Variants in ARHGEF3 observed in about 807,000 individuals in gnomAD.
ARHGEF3 encodes the protein 59.8 kDA protein.
A neutral mutation model predicts 63.2 loss-of-function variants in ARHGEF3; 28 were observed. The ratio of observed to expected loss-of-function variants is 0.44; its 90% CI spans 0.33 to 0.61. The LOEUF is 0.61. Ranked by LOEUF, ARHGEF3 falls within the 20% of genes least tolerant of loss-of-function variation. The probability of loss-of-function intolerance (pLI) is 0.03; values close to 1 mark genes in which losing one functional copy is unlikely to be tolerated. For missense variants in ARHGEF3, 533 were observed against 659.3 expected (o/e 0.81, Z 2.10); for synonymous variants, 266 against 254.2 (o/e 1.05, Z -0.44).
chr3:57,056,613 AG>A (rs778226256), intron 1 of ARHGEF3, among the ~76,000 whole-genome samples: 2 of 152,128 alleles, frequency 1.3e-5, no homozygotes, highest in Non-Finnish European at 2.9e-5. Flanking sequence ...AGGAGTGGAA[AG>A]GGCATGTTAG....
intron 1 of ARHGEF3, among the ~76,000 whole-genome samples, chr3:57,037,033 G>A (rs766380739): frequency 6.6e-5 from 10 of 152,146 alleles, no homozygotes; most frequent in Non-Finnish European, 1.2e-4. Context: ...CTCCAGTGCC[G>A]GTCTTTAACT....
chr3:57,005,506 T>A (rs1162084981), intron 2 of ARHGEF3, among the ~76,000 whole-genome samples: 1 of 152,212 alleles, frequency 6.6e-6, no homozygotes, highest in Admixed American at 6.5e-5. Flanking sequence ...GAACTGGATT[T>A]TTTTGTGCAA....
rs374972190 is a variant in ARHGEF3, at chr3:56,812,063, G to T, written c.193-38247C>A. 2.3e-4 allele frequency among the ~76,000 whole-genome samples: 35 copies of T among 152,248 alleles called. No homozygotes were observed. In the South Asian group the frequency reaches 7.3e-3, roughly 32 times the overall value. On this transcript the variant is annotated intron_variant, in intron 4 of 12. Coordinates refer to the ARHGEF3 transcript ENST00000338458. ...CAGTAGCCCCAGCTCCTCCTATTAC[G>T]CTGGCACATAGCAGACTCTCAGCTC...
At chr3:57,060,831 C>T (rs1705185773) in intron 1 of ARHGEF3, 1 of 147,610 alleles carries the variant, frequency 6.8e-6, no homozygotes, top group Non-Finnish European at 1.5e-5. Flanking sequence ...GAAACACACA[C>T]ACACACATGG....
intron 4 of ARHGEF3, among the ~76,000 whole-genome samples, chr3:56,836,783 T>C (rs540022415): frequency 6.6e-6 from 1 of 152,050 alleles, no homozygotes; most frequent in African/African-American, 2.4e-5. Flanking sequence ...AAAAATTAGC[T>C]GGGTATGGTG....
At chr3:56,749,100 G>C (rs1373985848) in intron 6 of ARHGEF3, among the ~76,000 whole-genome samples, 4 of 152,144 alleles carry the variant, frequency 2.6e-5, no homozygotes, top group Non-Finnish European at 5.9e-5. Context: ...AGTTAAAAGA[G>C]GAAAAACATT....
chr3:56,965,645 C>CTTTTT (rs759458048), intron 2 of ARHGEF3, among the ~76,000 whole-genome samples: 4 of 133,370 alleles, frequency 3.0e-5, no homozygotes, highest in African/African-American at 5.7e-5. Context: ...AAACTACATT[C>CTTTTT]TTTTTTTTTT....
At chr3:57,039,342 T>A (rs1221621281) in intron 1 of ARHGEF3, among the ~76,000 whole-genome samples, 2 of 152,194 alleles carry the variant, frequency 1.3e-5, no homozygotes, top group African/African-American at 4.8e-5. Flanking sequence ...AGCACTCTCA[T>A]ATACTGCTGT....
At chr3:56,919,235 A>T (rs72870569) in intron 3 of ARHGEF3, among the ~76,000 whole-genome samples, 4,112 of 152,332 alleles carry the variant, frequency 0.027, 191 homozygotes, top group African/African-American at 0.093. Flanking sequence ...AATGCTGGCA[A>T]CTATTCATCA....
chr3:56,751,106 T>C lies in ARHGEF3; in HGVS notation c.562A>G (p.Arg188Gly). 1.9e-6 allele frequency: 3 copies of C among 1,614,146 alleles called. No individual in the cohort carries two copies. The highest frequency in any genetic ancestry group is 2.5e-6 in the Non-Finnish European group (3 of 1,180,008). Residue 188 changes from arginine (R) to glycine (G), a missense_variant, in exon 6 of 10, where the codon AGG (arginine) becomes GGG (glycine). Transcript: ENST00000296315. ...TGTTCAGTCGAGCCATCAGGCTTCC[T>C]AACATCTCGAAGCTGACTAAGGAGC... The part of the protein sequence containing the change: ...EELLSQLRDV[R>G]KPDGSTEHVG...
At chr3:57,066,829 A>G (rs2107374238) in intron 1 of ARHGEF3, among the ~76,000 whole-genome samples, 1 of 152,294 alleles carries the variant, frequency 6.6e-6, no homozygotes, top group South Asian at 2.1e-4. Flanking sequence ...GAGCAGGAAG[A>G]ATTCTACCCA....
At chr3:56,941,654 C>A (rs1699192511) in intron 3 of ARHGEF3, among the ~76,000 whole-genome samples, 1 of 152,140 alleles carries the variant, frequency 6.6e-6, no homozygotes, top group South Asian at 2.1e-4. Flanking sequence ...ATTATAAAGG[C>A]AATACACACT....
chr3:57,012,941 G>A (rs779187496), intron 2 of ARHGEF3, among the ~76,000 whole-genome samples: 23 of 152,082 alleles, frequency 1.5e-4, no homozygotes, highest in African/African-American at 5.1e-4. Flanking sequence ...CGTGAATTCC[G>A]GGTGGGTGCG....
intron 3 of ARHGEF3, among the ~76,000 whole-genome samples, chr3:56,884,297 G>C (rs1470838403): frequency 1.3e-5 from 2 of 152,174 alleles, no homozygotes; most frequent in African/African-American, 4.8e-5. Flanking sequence ...AGGGCTCTGG[G>C]AGGACTGTGA....
chr3:56,901,429 C>CAT (rs889385515), intron 3 of ARHGEF3, among the ~76,000 whole-genome samples: 1 of 146,426 alleles, frequency 6.8e-6, no homozygotes, highest in Non-Finnish European at 1.5e-5. Flanking sequence ...CGTATATGTA[C>CAT]ATATATATAC....
intron 7 of ARHGEF3, among the ~76,000 whole-genome samples, chr3:56,739,901 A>AT (rs11391206): frequency 0.14 from 20,305 of 142,134 alleles, 1,534 homozygotes; most frequent in South Asian, 0.33. Flanking sequence ...AGTTTCAAAG[A>AT]TTTTTTTTTT....
chr3:56,854,527 G>A (rs1373445750), intron 4 of ARHGEF3, among the ~76,000 whole-genome samples: 1 of 152,184 alleles, frequency 6.6e-6, no homozygotes, highest in Non-Finnish European at 1.5e-5. Context: ...ATGGATTTGA[G>A]AGACAGAAAG....
chr3:56,793,447 G>A (rs2107929339), intron 1 of ARHGEF3, among the ~76,000 whole-genome samples: 1 of 152,308 alleles, frequency 6.6e-6, no homozygotes, highest in Middle Eastern at 3.4e-3. Flanking sequence ...GGGATTACAG[G>A]CGTGAGCCAC....
chr3:57,014,253 C>T (rs556220301), intron 2 of ARHGEF3, among the ~76,000 whole-genome samples: 3 of 152,310 alleles, frequency 2.0e-5, no homozygotes, highest in East Asian at 1.9e-4. Context: ...GACACACCAT[C>T]TTTAAGAACT....
Sources: gnomAD v4.1 joint callset for allele counts (sites outside exome capture counted in the v4.1 genomes callset) on GRCh38, gnomAD v4.1.1 for gene constraint, MANE v1.5 for transcripts, NCBI Gene and HGNC (gene_info 2026-07-23, HGNC 2026-07-21) for gene names.